LIN54: variants seen among roughly 807,000 people sequenced by gnomAD.
LIN54 encodes the protein lin-54 DREAM MuvB core complex component.
LIN54 carries 9 observed loss-of-function variants against 78.7 expected under a neutral mutation model. That is an observed-to-expected ratio of 0.11 (90% CI 0.07 to 0.20). The LOEUF (loss-of-function observed/expected upper bound fraction) is 0.20, where lower values mean the gene tolerates loss of function less well. Among genes scored for constraint, LIN54 ranks in the 10% least tolerant of loss-of-function variants. The probability of loss-of-function intolerance (pLI) is 1.00; values close to 1 mark genes in which losing one functional copy is unlikely to be tolerated. For missense variants in LIN54, 573 were observed against 889.9 expected (o/e 0.64, Z 4.53); for synonymous variants, 269 against 318.4 (o/e 0.84, Z 1.65).
In LIN54 at chr4:83,010,262, G is replaced by C. The variant is rs560142756; in HGVS notation, c.-33+222C>G. On this transcript the variant is annotated intron_variant, in intron 1 of 12. Transcript: ENST00000340417. ...TCAGGAAATCATGATAAGTGCTAGCGGTTCCTCTAGGCCTCAGCAGCAGCC... is the reference window on the plus strand; with the variant it reads ...TCAGGAAATCATGATAAGTGCTAGCCGTTCCTCTAGGCCTCAGCAGCAGCC... Among the ~76,000 whole-genome samples the C allele has an allele frequency of 3.3e-3, 506 of 152,254 alleles. 6 individuals carry two copies. Among genetic ancestry groups the C allele is most frequent in the African/African-American group, 0.011 (470 of 41,542 alleles).
chr4:82,955,572 G>A (rs548575163), intron 4 of LIN54, among the ~76,000 whole-genome samples: 12 of 151,838 alleles, frequency 7.9e-5, no homozygotes, highest in African/African-American at 2.9e-4. Flanking sequence ...CAATTCAAAC[G>A]TAGTGAAAAA....
chr4:82,951,277 G>A (rs1333283522), intron 4 of LIN54, among the ~76,000 whole-genome samples: 1 of 152,148 alleles, frequency 6.6e-6, no homozygotes, highest in Admixed American at 6.5e-5. Context: ...ATTGACTGGT[G>A]AAATATTACA....
chr4:82,963,986 A>C (rs2126064310), intron 4 of LIN54, among the ~76,000 whole-genome samples: 1 of 152,268 alleles, frequency 6.6e-6, no homozygotes, highest in South Asian at 2.1e-4. Context: ...GTATATAATA[A>C]TGTAATATGT....
intron 1 of LIN54, among the ~76,000 whole-genome samples, chr4:83,007,948 T>C (rs558565956): frequency 6.6e-6 from 1 of 152,248 alleles, no homozygotes; most frequent in East Asian, 1.9e-4. Context: ...TTGACATCTC[T>C]CTTTCCATAG....
chr4:82,985,385 C>T (rs1412366371), intron 1 of LIN54, among the ~76,000 whole-genome samples: 2 of 152,102 alleles, frequency 1.3e-5, no homozygotes, highest in Non-Finnish European at 2.9e-5. Context: ...CATTAAATAC[C>T]CAAATTAAAG....
intron 7 of LIN54, among the ~76,000 whole-genome samples, chr4:82,939,099 C>G (rs571144089): frequency 6.6e-6 from 1 of 152,158 alleles, no homozygotes; most frequent in African/African-American, 2.4e-5. Flanking sequence ...GTAGATAGAT[C>G]GCTGAAGATA....
intron 1 of LIN54, among the ~76,000 whole-genome samples, chr4:82,991,156 A>G (rs1465709616): frequency 6.3e-4 from 4 of 6,334 alleles, no homozygotes; most frequent in East Asian, 0.05. Context: ...TCTCTTAAGA[A>G]AAAAAAAAAA....
At chr4:83,010,944 G>A (rs1729821992), upstream of LIN54, 2 of 791,384 alleles carry the variant, frequency 2.5e-6, no homozygotes, top group Admixed American at 4.5e-5. Flanking sequence ...CCGTGCAAGT[G>A]CACACGGGCT....
At position 82,959,106 on chromosome 4, in the gene LIN54, A is replaced by C. The variant is rs142515961; in HGVS notation, c.951+11221T>G. ...TCTTTGAATTCTATTTCATCTAAAA[A>C]TTTTATCTTAATGTAACATTCTTAT... On this transcript the variant is annotated intron_variant, in intron 4 of 12. Coordinates refer to ENST00000340417, the MANE Select transcript of LIN54 (RefSeq NM_194282.4). Among the ~76,000 whole-genome samples, 497 of 152,262 alleles carry C rather than the reference A, an allele frequency of 3.3e-3. 1 individual carries two copies. The highest frequency in any genetic ancestry group is 0.011 in the African/African-American group (477 of 41,552).
chr4:83,005,686 A>G (rs2126114682), intron 1 of LIN54, among the ~76,000 whole-genome samples: 1 of 152,266 alleles, frequency 6.6e-6, no homozygotes, highest in East Asian at 1.9e-4. Context: ...ACACGTATAC[A>G]CTGTTGGTGA....
chr4:82,967,942 C>T (rs895953027), intron 4 of LIN54, among the ~76,000 whole-genome samples: 1 of 152,192 alleles, frequency 6.6e-6, no homozygotes, highest in African/African-American at 2.4e-5. Flanking sequence ...GGTTAGATCT[C>T]ACCTGAACGA....
chr4:83,012,494 C>T (rs1729913369), upstream of LIN54, among the ~76,000 whole-genome samples: 1 of 152,144 alleles, frequency 6.6e-6, no homozygotes, highest in Non-Finnish European at 1.5e-5. Flanking sequence ...GCCCTTACTC[C>T]AGACCGCCGG....
intron 5 of LIN54, among the ~76,000 whole-genome samples, chr4:82,943,146 T>A (rs1477717352): frequency 1.3e-5 from 2 of 152,208 alleles, no homozygotes; most frequent in Non-Finnish European, 2.9e-5. Context: ...GAAGCTGGCA[T>A]AATTGTGTAG....
chr4:83,000,823 A>C lies in LIN54; in HGVS notation c.-33+9661T>G, dbSNP rs552663171. 2.5e-3 allele frequency among the ~76,000 whole-genome samples: 10 copies of C among 4,074 alleles called. No homozygotes were observed. The South Asian group carries it at 0.1, about 41-fold the overall frequency. 2.7% of individuals were successfully genotyped at this position (4,074 alleles called of 152,430 possible). On this transcript the variant is annotated intron_variant, in intron 1 of 12. Coordinates refer to ENST00000340417, the MANE Select transcript of LIN54 (RefSeq NM_194282.4). ...GAAAGCCATCAAGCCCAAAGCAATA[A>C]ATTCTTTTTTTTTTTTTGGAGATAG... is the stretch of plus-strand genomic sequence containing the variant.
intron 1 of LIN54, among the ~76,000 whole-genome samples, chr4:83,003,723 G>A (rs4693541): frequency 0.43 from 65,526 of 151,728 alleles, 16,978 homozygotes; most frequent in Admixed American, 0.58. Flanking sequence ...ACGGGGTCTC[G>A]CCATGTTGCC....
Position 82,926,123 on chromosome 4 carries a change from C to A in LIN54, c.*1979G>T, listed in dbSNP as rs550524853. The A allele has an allele frequency of 4.6e-5, 7 of 152,550 alleles. No homozygotes were observed. The highest frequency in any genetic ancestry group is 4.6e-4 in the Admixed American group (7 of 15,272). The allele number at this position is 152,550 out of a possible 1,614,324, so 9.4% of individuals were successfully genotyped here. A position where few individuals can be genotyped will look rare whatever the true frequency, so the allele number is the denominator to read the frequency against. On this transcript the variant is annotated 3_prime_UTR_variant, in exon 13 of 13. Transcript: ENST00000340417. ...ATCATACATAATCTACAATTGTAAT[C>A]AAAATTTCACGAACATTTTCTGCAC...
intron 4 of LIN54, among the ~76,000 whole-genome samples, chr4:82,958,521 ACTGTAATTTC>A (rs1439733134): frequency 2.0e-5 from 3 of 152,112 alleles, no homozygotes; most frequent in Non-Finnish European, 4.4e-5. Flanking sequence ...CACTTATCCA[ACTGTAATTTC>A]CAGCCTATTG....
rs566326555 is a variant in LIN54 at position 82,925,286 on chromosome 4, T to G, written c.*2816A>C. On this transcript the variant is annotated 3_prime_UTR_variant, in exon 13 of 13. Transcript: ENST00000340417. ...GTGCAGTGGTGTAATTTTGACTCAC[T>G]ACAGCCTCAACCTCTGCAGGCTCAG... The G allele has an allele frequency of 1.3e-5, 2 of 152,348 alleles. No homozygotes were observed. The highest frequency in any genetic ancestry group is 2.1e-4 in the South Asian group (1 of 4,832). 9.4% of individuals were successfully genotyped at this position (152,348 alleles called of 1,614,324 possible). A position where few individuals can be genotyped will look rare whatever the true frequency, so the allele number is the denominator to read the frequency against.
At chr4:82,974,126 C>G (rs56329143) in intron 3 of LIN54, among the ~76,000 whole-genome samples, 3 of 151,838 alleles carry the variant, frequency 2.0e-5, no homozygotes, top group Admixed American at 2.0e-4. Flanking sequence ...AAGAGAATGG[C>G]GTGAACCCAG....
Sources: allele counts gnomAD v4.1 joint callset (sites outside exome capture counted in the v4.1 genomes callset), GRCh38; gene constraint gnomAD v4.1.1; transcripts MANE v1.5; gene names NCBI Gene and HGNC (gene_info 2026-07-23, HGNC 2026-07-21).